The following PRR16 variants were observed in gnomAD, a reference collection of about 807,000 sequenced individuals.
PRR16 encodes the protein proline rich 16, also known as protein Largen.
PRR16 carries 6 observed loss-of-function variants against 18.2 expected under a neutral mutation model. The observed-to-expected ratio is 0.33, with a 90% confidence interval of 0.18 to 0.65. The LOEUF (loss-of-function observed/expected upper bound fraction) is 0.65. Among genes scored for constraint, PRR16 ranks in the 30% least tolerant of loss-of-function variants. PRR16 has a pLI of 0.74. For synonymous variants in PRR16, 151 were observed against 147.8 expected (o/e 1.02, Z -0.16); for missense variants, 412 against 376.6 (o/e 1.09, Z -0.78).
intron 1 of PRR16, among the ~76,000 whole-genome samples, chr5:120,561,381 A>G (rs559399246): frequency 8.5e-5 from 13 of 152,208 alleles, no homozygotes; most frequent in Admixed American, 6.5e-5. Context: ...CTCACTGGTC[A>G]TTCATGAGTG....
the PRR16 span, among the ~76,000 whole-genome samples, chr5:120,719,944 T>C: frequency 6.6e-6 from 1 of 152,066 alleles, no homozygotes; most frequent in Non-Finnish European, 1.5e-5. Flanking sequence ...AATTTGTTCT[T>C]AATTTGGAAG....
chr5:120,545,181 C>T (rs559960535), intron 1 of PRR16, among the ~76,000 whole-genome samples: 28 of 152,068 alleles, frequency 1.8e-4, no homozygotes, highest in African/African-American at 5.8e-4. Context: ...GCATTTTTTT[C>T]GTGCTTATTC....
rs184288968 is a variant in PRR16 at position 120,633,264 on chromosome 5, C to T, written c.160-52690C>T. 1.6e-3 allele frequency among the ~76,000 whole-genome samples: 240 copies of T among 152,216 alleles called. 1 individual carries two copies. Among genetic ancestry groups the T allele is most frequent in the Non-Finnish European group, 2.7e-3 (185 of 67,998 alleles). On this transcript the variant is annotated intron_variant, in intron 1 of 1. Transcript: ENST00000407149. ...CCTGAAATACACCAAAATAGAATCT[C>T]CTTAAAGCATAAATCTCACAGGACC...
At chr5:120,791,842 T>C in the PRR16 span, among the ~76,000 whole-genome samples, 10 of 152,160 alleles carry the variant, frequency 6.6e-5, no homozygotes, top group Admixed American at 5.9e-4. Flanking sequence ...TTCTGTACAC[T>C]TAAATTGGTT....
At chr5:120,511,328 CTT>C (rs772810101) in intron 1 of PRR16, among the ~76,000 whole-genome samples, 1 of 152,138 alleles carries the variant, frequency 6.6e-6, no homozygotes, top group East Asian at 1.9e-4. Flanking sequence ...TGGACTCTCT[CTT>C]GGACTGAGCC....
the PRR16 span, among the ~76,000 whole-genome samples, chr5:120,693,263 G>C: frequency 6.6e-6 from 1 of 152,084 alleles, no homozygotes; most frequent in Non-Finnish European, 1.5e-5. Flanking sequence ...TTGAGATTTG[G>C]TTTAAAACGT....
chr5:120,475,180 A>C (rs1223933218), intron 1 of PRR16, among the ~76,000 whole-genome samples: 1 of 152,158 alleles, frequency 6.6e-6, no homozygotes, highest in Non-Finnish European at 1.5e-5. Flanking sequence ...ACAGACAGAG[A>C]GGTTAATTAA....
the PRR16 span, among the ~76,000 whole-genome samples, chr5:120,703,147 C>T: frequency 3.0e-3 from 459 of 151,794 alleles, 3 homozygotes; most frequent in African/African-American, 0.011. Context: ...TGTTCTCTGG[C>T]GGGCAGGAGT....
chr5:120,505,647 T>C (rs1163151828), intron 1 of PRR16, among the ~76,000 whole-genome samples: 1 of 152,176 alleles, frequency 6.6e-6, no homozygotes, highest in Non-Finnish European at 1.5e-5. Context: ...AATTGGGATT[T>C]TACACTTTTA....
At chr5:120,732,312 G>A in the PRR16 span, among the ~76,000 whole-genome samples, 1 of 152,168 alleles carries the variant, frequency 6.6e-6, no homozygotes, top group Non-Finnish European at 1.5e-5. Flanking sequence ...TAGGAGTAAA[G>A]GAATGTCCCC....
At chr5:120,651,962 C>G (rs887636802) in intron 1 of PRR16, among the ~76,000 whole-genome samples, 24 of 152,044 alleles carry the variant, frequency 1.6e-4, no homozygotes, top group African/African-American at 5.8e-4. Flanking sequence ...TACCCATGAG[C>G]ATGGAATGTT....
At chr5:120,467,497 CTTTGG>C (rs1489681454) in intron 1 of PRR16, among the ~76,000 whole-genome samples, 2 of 151,986 alleles carry the variant, frequency 1.3e-5, no homozygotes, top group African/African-American at 4.8e-5. Flanking sequence ...CAATATTAAA[CTTTGG>C]TTTGAGGTTA....
the PRR16 span, among the ~76,000 whole-genome samples, chr5:120,731,414 G>A: frequency 7.9e-5 from 12 of 152,044 alleles, no homozygotes; most frequent in Non-Finnish European, 1.8e-4. Flanking sequence ...GATCTGGCTT[G>A]TACCACCTCA....
chr5:120,464,680 C>G, intron 1 of PRR16, 35 bp downstream of exon 1: 4 of 1,505,016 alleles, frequency 2.7e-6, no homozygotes, highest in Non-Finnish European at 3.5e-6. Context: ...GAGTTCGGCA[C>G]CCTTCGACCC....
At chr5:120,626,808 T>TA (rs528618388) in intron 1 of PRR16, among the ~76,000 whole-genome samples, 2 of 152,110 alleles carry the variant, frequency 1.3e-5, no homozygotes, top group Admixed American at 6.6e-5. Flanking sequence ...ACATCTAGCA[T>TA]AAAAAATAAA....
the PRR16 span, among the ~76,000 whole-genome samples, chr5:120,767,612 T>TTTGA: frequency 6.6e-6 from 1 of 151,918 alleles, no homozygotes; most frequent in South Asian, 2.1e-4. Context: ...CAGAAATTAC[T>TTTGA]TTGATTGCAT....
At chr5:120,579,042 AT>A (rs1321919520) in intron 1 of PRR16, among the ~76,000 whole-genome samples, 1 of 152,112 alleles carries the variant, frequency 6.6e-6, no homozygotes, top group Non-Finnish European at 1.5e-5. Context: ...GGCTGCATAA[AT>A]GTCTTCTTTT....
the PRR16 span, among the ~76,000 whole-genome samples, chr5:120,722,161 GGTTT>G: frequency 2.0e-5 from 3 of 151,938 alleles, no homozygotes; most frequent in South Asian, 6.2e-4. Context: ...TGAGAATGAT[GGTTT>G]CAGGCTTCAT....
At chr5:120,789,513 T>C in the PRR16 span, among the ~76,000 whole-genome samples, 12 of 152,258 alleles carry the variant, frequency 7.9e-5, no homozygotes, top group African/African-American at 2.4e-4. Context: ...TTAAACTGTA[T>C]AGACTGCAAT....
Sources: allele counts gnomAD v4.1 joint callset (sites outside exome capture counted in the v4.1 genomes callset), GRCh38; gene constraint gnomAD v4.1.1; transcripts MANE v1.5; gene names NCBI Gene and HGNC (gene_info 2026-07-23, HGNC 2026-07-21).